Variants in SLC35F3 observed in about 807,000 individuals in gnomAD.
SLC35F3 encodes the protein solute carrier family 35 member F3.
Under a neutral mutation model 49.9 loss-of-function variants are expected in SLC35F3, and 25 were observed. The observed-to-expected ratio is 0.50, with a 90% confidence interval of 0.37 to 0.70. The LOEUF (loss-of-function observed/expected upper bound fraction) is 0.70. Ranked by LOEUF, SLC35F3 falls within the 30% of genes least tolerant of loss-of-function variation. The pLI is 0.00. For missense variants in SLC35F3, 525 were observed against 639.8 expected, an observed-to-expected ratio of 0.82 and a Z score of 1.94; for synonymous variants, 275 against 265.4, an observed-to-expected ratio of 1.04 and a Z score of -0.35.
chr1:234,168,484 C>T lies in SLC35F3; in HGVS notation c.284-62933C>T, dbSNP rs1666350789. Among the ~76,000 whole-genome samples the T allele has an allele frequency of 2.6e-5, 4 of 152,230 alleles. No homozygotes were observed. The South Asian group carries it at 8.3e-4, about 32-fold the overall frequency. On this transcript the variant is annotated intron_variant, in intron 2 of 7. Transcript: ENST00000366618. ...TGTGCTCAGACCATCCTGTAAGTGT[C>T]ATTGCTATTCTGGCCATCATGCAGC...
chr1:233,955,919 G>A (rs999601845), intron 2 of SLC35F3, among the ~76,000 whole-genome samples: 6 of 116,392 alleles, frequency 5.2e-5, no homozygotes, highest in South Asian at 5.6e-4. Context: ...TTGGTGTCTC[G>A]CTCTCTTGCC....
intron 2 of SLC35F3, among the ~76,000 whole-genome samples, chr1:234,099,984 A>G (rs1665190103): frequency 6.6e-6 from 1 of 152,248 alleles, no homozygotes; most frequent in Non-Finnish European, 1.5e-5. Context: ...CAATTGCTTT[A>G]TATAATCCAC....
intron 3 of SLC35F3, among the ~76,000 whole-genome samples, chr1:234,297,029 A>G (rs1372023981): frequency 6.6e-6 from 1 of 152,228 alleles, no homozygotes; most frequent in Non-Finnish European, 1.5e-5. Flanking sequence ...AGACATACAA[A>G]TGGCCAATAG....
chr1:234,108,194 A>T (rs1173220769), intron 2 of SLC35F3, among the ~76,000 whole-genome samples: 1 of 115,480 alleles, frequency 8.7e-6, no homozygotes, highest in Admixed American at 9.5e-5. Context: ...ATATATATAT[A>T]AAAGATATAT....
chr1:234,235,325 C>G (rs1012655802), intron 3 of SLC35F3, among the ~76,000 whole-genome samples: 2 of 152,192 alleles, frequency 1.3e-5, no homozygotes, highest in Non-Finnish European at 2.9e-5. Flanking sequence ...TCTGAGGAAG[C>G]AATAGTGCCC....
intron 3 of SLC35F3, among the ~76,000 whole-genome samples, chr1:234,270,900 C>G (rs943231755): frequency 6.6e-6 from 1 of 152,194 alleles, no homozygotes; most frequent in Non-Finnish European, 1.5e-5. Flanking sequence ...TTGTCCTCAT[C>G]ATGCTTATAG....
At chr1:234,279,202 C>A (rs1265713458) in intron 3 of SLC35F3, among the ~76,000 whole-genome samples, 2 of 152,108 alleles carry the variant, frequency 1.3e-5, no homozygotes, top group Non-Finnish European at 2.9e-5. Flanking sequence ...AGATAAGAGA[C>A]AAATGGTTAC....
intron 2 of SLC35F3, among the ~76,000 whole-genome samples, chr1:234,030,516 C>A (rs1419095557): frequency 6.6e-6 from 1 of 152,116 alleles, no homozygotes; most frequent in Non-Finnish European, 1.5e-5. Context: ...TTGATTAGGG[C>A]CAGTTGATTA....
chr1:234,189,893 A>G (rs1433091092), intron 2 of SLC35F3, among the ~76,000 whole-genome samples: 2 of 152,226 alleles, frequency 1.3e-5, no homozygotes, highest in Non-Finnish European at 2.9e-5. Context: ...TACAAGCTAG[A>G]AGGGATTGGG....
At position 234,008,545 on chromosome 1, in the gene SLC35F3, C is replaced by T. The variant is rs562154658; in HGVS notation, c.283+102787C>T. Among the ~76,000 whole-genome samples the T allele has an allele frequency of 2.6e-5, 4 of 152,312 alleles. No homozygotes were observed. In the East Asian group the frequency reaches 7.7e-4, roughly 29 times the overall value. ...TATACAGTCTCCTTTTTCTGCACTA[C>T]AGAAAGTTCTTTCATAGCTTTATGC... On this transcript the variant is annotated intron_variant, in intron 2 of 7. Transcript: ENST00000366618.
At chr1:234,077,726 C>G (rs1357398025) in intron 2 of SLC35F3, among the ~76,000 whole-genome samples, 1 of 152,048 alleles carries the variant, frequency 6.6e-6, no homozygotes. Context: ...ATAGCCTGCA[C>G]CTCAGCTGTG....
intron 3 of SLC35F3, chr1:234,274,045 A>T (rs1668157668): frequency 1.3e-5 from 2 of 152,324 alleles, no homozygotes; most frequent in African/African-American, 4.8e-5. Context: ...ACAGATACAA[A>T]GTCAGTTATC....
chr1:233,905,018 C>G lies in SLC35F3; in HGVS notation c.-60C>G, dbSNP rs1284206620. 54 of 1,529,966 alleles carry G rather than the reference C, an allele frequency of 3.5e-5. No homozygotes were observed. Among genetic ancestry groups the G allele is most frequent in the East Asian group, 5.0e-5 (2 of 40,318 alleles). 94.8% of individuals were successfully genotyped at this position (1,529,966 alleles called of 1,614,324 possible). On this transcript the variant is annotated 5_prime_UTR_variant, in exon 1 of 8. Transcript: ENST00000366618. ...CCCAGGCTAGCGGCTGCAGGGAGCT[C>G]CGGCCCGCGGCCCCTCCGCCTCAAG...
At chr1:234,064,846 A>G (rs921459522) in intron 2 of SLC35F3, among the ~76,000 whole-genome samples, 1 of 151,992 alleles carries the variant, frequency 6.6e-6, no homozygotes, top group East Asian at 1.9e-4. Context: ...AAGGAACTCT[A>G]GTGCATTTAC....
intron 2 of SLC35F3, among the ~76,000 whole-genome samples, chr1:234,160,802 G>A (rs1364608890): frequency 1.3e-5 from 2 of 152,154 alleles, no homozygotes; most frequent in South Asian, 2.1e-4. Flanking sequence ...GCTCTGTGAG[G>A]CAACTTTAAC....
At chr1:234,307,372 GGTAA>G (rs1484265871) in intron 3 of SLC35F3, among the ~76,000 whole-genome samples, 1 of 152,128 alleles carries the variant, frequency 6.6e-6, no homozygotes, top group Non-Finnish European at 1.5e-5. Flanking sequence ...TCCACAAAAC[GGTAA>G]GTGTGTTTCT....
At chr1:233,999,704 C>T (rs892898043) in intron 2 of SLC35F3, among the ~76,000 whole-genome samples, 15 of 151,752 alleles carry the variant, frequency 9.9e-5, no homozygotes, top group Admixed American at 8.5e-4. Flanking sequence ...AGTGGCCGAG[C>T]CCATTTGTGC....
intron 3 of SLC35F3, among the ~76,000 whole-genome samples, chr1:234,286,337 G>A (rs894249090): frequency 1.3e-5 from 2 of 152,128 alleles, no homozygotes; most frequent in Non-Finnish European, 2.9e-5. Flanking sequence ...AAATTTAATA[G>A]GAATAAATGT....
At chr1:234,128,151 T>C (rs6699737) in intron 2 of SLC35F3, among the ~76,000 whole-genome samples, 68,637 of 151,966 alleles carry the variant, frequency 0.45, 16,918 homozygotes, top group Non-Finnish European at 0.56. Context: ...AGAAAGGTCA[T>C]GAACTGAATA....
Sources: allele counts gnomAD v4.1 joint callset (sites outside exome capture counted in the v4.1 genomes callset), GRCh38; gene constraint gnomAD v4.1.1; transcripts MANE v1.5; gene names NCBI Gene and HGNC (gene_info 2026-07-23, HGNC 2026-07-21).